Variants in RBL2 observed in about 807,000 individuals in gnomAD.
RBL2 encodes the protein RB transcriptional corepressor like 2.
RBL2 carries 56 observed loss-of-function variants against 126.0 expected under a neutral mutation model. That is an observed-to-expected ratio of 0.44 (90% CI 0.36 to 0.56). RBL2 has a LOEUF of 0.56. Among genes scored for constraint, RBL2 ranks in the 20% least tolerant of loss-of-function variants. RBL2 has a pLI of 0.00. For synonymous variants in RBL2, 454 were observed against 478.5 expected (o/e 0.95, Z 0.67); for missense variants, 1,229 against 1,398.2 (o/e 0.88, Z 1.93).
At chr16:53,475,280 A>C (rs981230790) in intron 17 of RBL2, among the ~76,000 whole-genome samples, 1 of 152,138 alleles carries the variant, frequency 6.6e-6, no homozygotes, top group Non-Finnish European at 1.5e-5. Flanking sequence ...CAGGGGCATG[A>C]TCTTGGCTTA....
intron 17 of RBL2, among the ~76,000 whole-genome samples, chr16:53,471,522 T>C (rs946533896): frequency 6.6e-6 from 1 of 151,992 alleles, no homozygotes; most frequent in African/African-American, 2.4e-5. Context: ...CAGGCTGGAG[T>C]GCAGTGGTGC....
intron 3 of RBL2, among the ~76,000 whole-genome samples, chr16:53,445,191 G>A (rs1340920111): frequency 6.6e-6 from 1 of 151,852 alleles, no homozygotes; most frequent in African/African-American, 2.4e-5. Flanking sequence ...GCTTGGAGTG[G>A]TGGCGCACAC....
chr16:53,462,298 A>C lies in RBL2; in HGVS notation c.1457-254A>C, dbSNP rs191079760. On this transcript the variant is annotated intron_variant, in intron 10 of 21. Transcript: ENST00000262133. ...TTTGTTCAAACATAGAGGAAAAAAA[A>C]GGGTGTTAGTCTTAAATGATATTAC... Among the ~76,000 whole-genome samples, 575 of 152,302 alleles carry C rather than the reference A, an allele frequency of 3.8e-3. 5 individuals are homozygous for C. The highest frequency in any genetic ancestry group is 0.014 in the African/African-American group (564 of 41,564).
At chr16:53,469,711 A>C (rs2058302578) in intron 14 of RBL2, among the ~76,000 whole-genome samples, 1 of 152,214 alleles carries the variant, frequency 6.6e-6, no homozygotes, top group Admixed American at 6.5e-5. Context: ...CCGTTTTAAA[A>C]TTTTGCTCTC....
chr16:53,472,956 T>G (rs1318902414), intron 17 of RBL2, among the ~76,000 whole-genome samples: 1 of 152,202 alleles, frequency 6.6e-6, no homozygotes, highest in Non-Finnish European at 1.5e-5. Context: ...AAAAGAAGAT[T>G]TTTTTCCTCA....
intron 1 of RBL2, chr16:53,435,658 T>A: frequency 7.8e-7 from 1 of 1,288,686 alleles, no homozygotes; most frequent in African/African-American, 1.5e-5. Context: ...CATTTAAACC[T>A]GAGGCCATTT....
chr16:53,436,302 A>G (rs2057958316), intron 1 of RBL2, among the ~76,000 whole-genome samples: 1 of 152,186 alleles, frequency 6.6e-6, no homozygotes, highest in Admixed American at 6.5e-5. Flanking sequence ...AACTCATAGC[A>G]GTTAAGTTGT....
intron 4 of RBL2, chr16:53,449,127 T>C (rs1335105398): frequency 2.0e-5 from 3 of 152,176 alleles, no homozygotes; most frequent in African/African-American, 7.2e-5. Flanking sequence ...TATAAACCAT[T>C]TTTACAGCGG....
At chr16:53,474,094 G>A (rs1318989006) in intron 17 of RBL2, among the ~76,000 whole-genome samples, 1 of 151,438 alleles carries the variant, frequency 6.6e-6, no homozygotes, top group Non-Finnish European at 1.5e-5. Flanking sequence ...CTCACTACAA[G>A]CAGTCCTCCC....
intron 20 of RBL2, 87 bp downstream of exon 20, chr16:53,480,856 G>A: frequency 5.2e-6 from 7 of 1,350,874 alleles, no homozygotes; most frequent in Non-Finnish European, 6.2e-6. Flanking sequence ...CATTCACCTG[G>A]TCCGTATATA....
chr16:53,474,784 G>A (rs1003805326), intron 17 of RBL2, among the ~76,000 whole-genome samples: 2 of 152,190 alleles, frequency 1.3e-5, no homozygotes, highest in Non-Finnish European at 2.9e-5. Context: ...TTCTTGTTGT[G>A]GCTTTGTCTG....
intron 17 of RBL2, among the ~76,000 whole-genome samples, chr16:53,473,565 T>G (rs886354650): frequency 6.6e-6 from 1 of 151,664 alleles, no homozygotes; most frequent in Non-Finnish European, 1.5e-5. Flanking sequence ...AGTAGATTCC[T>G]TAGGATTACT....
In RBL2 at chr16:53,464,280, G is replaced by A. The variant is rs755908515; in HGVS notation, c.1615G>A (p.Val539Ile). The A allele has an allele frequency of 3.1e-6, 5 of 1,602,880 alleles. No homozygotes were observed. The South Asian group carries it at 4.4e-5, about 14-fold the overall frequency. ...HRSLLACCLE[V>I]VTFSYKPPGN... ...ATCTCTCTTGGCCTGCTGCCTTGAGGTCGTCACTTTTTCTTATAAGCCTCC... is the reference window on the plus strand; with the variant it reads ...ATCTCTCTTGGCCTGCTGCCTTGAGATCGTCACTTTTTCTTATAAGCCTCC... Residue 539 changes from valine to isoleucine, a missense_variant, in exon 12 of 22, where the codon GTC (valine) becomes ATC (isoleucine). Coordinates refer to ENST00000262133, the MANE Select transcript of RBL2 (RefSeq NM_005611.4).
Position 53,470,310 on chromosome 16 carries a change from G to C in RBL2, c.2246-73G>C, listed in dbSNP as rs371164660. On this transcript the variant is annotated intron_variant, in intron 15 of 21. Transcript: ENST00000262133. The stretch of plus-strand genomic sequence containing the variant: ...TGGGGAGAGAGGGTTTGGGAGAGCA[G>C]AAATTGTAAACCTCTGCCCGGAGAA... The C allele has an allele frequency of 2.2e-5, 35 of 1,569,850 alleles. No individual in the cohort carries two copies. The East Asian group carries it at 7.4e-4, about 33-fold the overall frequency.
chr16:53,437,788 G>A (rs2057973134), intron 1 of RBL2, among the ~76,000 whole-genome samples: 1 of 152,034 alleles, frequency 6.6e-6, no homozygotes, highest in Admixed American at 6.6e-5. Context: ...AGCACTTTGG[G>A]AGGTCTAGGT....
intron 3 of RBL2, chr16:53,445,803 G>A (rs1011198547): frequency 1.1e-4 from 17 of 152,240 alleles, no homozygotes; most frequent in African/African-American, 3.1e-4. Context: ...TACAGTCAGC[G>A]AGATGAGGCA....
At chr16:53,460,706 G>C (rs1202698298) in intron 9 of RBL2, among the ~76,000 whole-genome samples, 5 of 152,092 alleles carry the variant, frequency 3.3e-5, no homozygotes, top group African/African-American at 9.7e-5. Context: ...GTATGTGTGT[G>C]TGTGTTCCCA....
Position 53,491,574 on chromosome 16 carries a change from A to G in RBL2, c.*1274A>G, listed in dbSNP as rs1468357571. 6.6e-6 allele frequency: 1 copy of G among 152,630 alleles called. No individual in the cohort carries two copies. Among genetic ancestry groups the G allele is most frequent in the Admixed American group, 6.5e-5 (1 of 15,286 alleles). 9.5% of individuals were successfully genotyped at this position (152,630 alleles called of 1,614,324 possible). A position where few individuals can be genotyped will look rare whatever the true frequency, so the allele number is the denominator to read the frequency against. Reference sequence around the variant, plus strand: ...AATAGTGTTCTGCAAAAATATTTATAAAACTTCTCAAGATACTGCTACTGT... The same window carrying G: ...AATAGTGTTCTGCAAAAATATTTATGAAACTTCTCAAGATACTGCTACTGT... On this transcript the variant is annotated 3_prime_UTR_variant, in exon 22 of 22. Transcript: ENST00000262133.
At chr16:53,445,983 G>A (rs2058058491) in intron 3 of RBL2, 1 of 152,218 alleles carries the variant, frequency 6.6e-6, no homozygotes, top group African/African-American at 2.4e-5. Context: ...GTACGAGTTT[G>A]ATAGGTGAAT....
Sources: allele counts gnomAD v4.1 joint callset (sites outside exome capture counted in the v4.1 genomes callset), GRCh38; gene constraint gnomAD v4.1.1; transcripts MANE v1.5; gene names NCBI Gene and HGNC (gene_info 2026-07-23, HGNC 2026-07-21).